The following CD276 variants were observed in gnomAD, a reference collection of about 807,000 sequenced individuals.
The protein encoded by CD276 is CD276 molecule.
Under a neutral mutation model 50.0 loss-of-function variants are expected in CD276, and 34 were observed. The ratio of observed to expected loss-of-function variants is 0.68; its 90% CI spans 0.52 to 0.91. The LOEUF (loss-of-function observed/expected upper bound fraction) is 0.91, where lower values mean the gene tolerates loss of function less well. Ranked by LOEUF, CD276 falls within the 40% of genes least tolerant of loss-of-function variation. The probability of loss-of-function intolerance (pLI) is 0.00; values close to 1 mark genes in which losing one functional copy is unlikely to be tolerated. For missense variants in CD276, 634 were observed against 717.5 expected (o/e 0.88, Z 1.33); for synonymous variants, 275 against 313.0 (o/e 0.88, Z 1.28).
intron 2 of CD276, among the ~76,000 whole-genome samples, chr15:73,700,973 G>A (rs1352511882): frequency 2.6e-4 from 9 of 33,978 alleles, no homozygotes; most frequent in African/African-American, 5.8e-4. Flanking sequence ...GCGCGATCTC[G>A]GCTCACTGCA....
intron 1 of CD276, among the ~76,000 whole-genome samples, chr15:73,690,208 T>C (rs182976009): frequency 6.6e-6 from 1 of 152,306 alleles, no homozygotes; most frequent in East Asian, 1.9e-4. Flanking sequence ...TGAGAACCCA[T>C]TATGTGCCAA....
intron 1 of CD276, among the ~76,000 whole-genome samples, chr15:73,692,444 C>T (rs1330263752): frequency 6.6e-6 from 1 of 152,204 alleles, no homozygotes; most frequent in Non-Finnish European, 1.5e-5. Context: ...CTCTCCATCC[C>T]TGAATTTACT....
Position 73,704,285 on chromosome 15 carries a change from G to A in CD276, c.1182G>A (p.Val394=). 6.2e-7 allele frequency: 1 copy of A among 1,614,078 alleles called. No homozygotes were observed. The highest frequency in any genetic ancestry group is 2.2e-5 in the East Asian group (1 of 44,880). The change falls in exon 6 of 10, where the codon GTG becomes GTA. Residue 394 remains valine, a synonymous_variant. Transcript: ENST00000318443. The surrounding 1 kb of genome is among the most constrained non-coding windows in gnomAD (Gnocchi z 4.1). ...ACCGGGGCTACCCTGAGGCTGAGGT[G>A]TTCTGGCAGGATGGGCAGGGTGTGC... The part of the protein sequence containing the change: ...SSYRGYPEAE[V]FWQDGQGVPL...
In CD276 at chr15:73,702,513, G is replaced by T; in HGVS notation, c.338G>T (p.Arg113Leu). The T allele has an allele frequency of 6.2e-7, 1 of 1,612,996 alleles. No homozygotes were observed. The highest frequency in any genetic ancestry group is 8.5e-7 in the Non-Finnish European group (1 of 1,179,958). Residue 113 changes from arginine to leucine, a missense_variant, in exon 3 of 10, where the codon CGT (arginine) becomes CTT (leucine). Arg to Leu is a moderately radical substitution (Grantham distance 102). Transcript: ENST00000318443. The part of the protein sequence containing the change: ...GNASLRLQRV[R>L]VADEGSFTCF... ...GCATCCCTGAGGCTGCAGCGCGTGC[G>T]TGTGGCGGACGAGGGCAGCTTCACC...
At chr15:73,705,948 G>T (rs1191760738) in intron 6 of CD276, among the ~76,000 whole-genome samples, 1 of 152,186 alleles carries the variant, frequency 6.6e-6, no homozygotes, top group Admixed American at 6.5e-5. Flanking sequence ...AACATTTAAA[G>T]TGATTTCAAA....
chr15:73,685,305 A>C (rs912051481), intron 1 of CD276, among the ~76,000 whole-genome samples: 1 of 152,062 alleles, frequency 6.6e-6, no homozygotes, highest in Non-Finnish European at 1.5e-5. Flanking sequence ...GCGACCGTTT[A>C]GCTAGCGAAT....
intron 1 of CD276, among the ~76,000 whole-genome samples, chr15:73,688,482 G>C (rs1407489260): frequency 6.6e-6 from 1 of 152,158 alleles, no homozygotes; most frequent in Non-Finnish European, 1.5e-5. Context: ...GTTCAGCAAG[G>C]CATCGGTGTC....
chr15:73,711,190 A>C lies in CD276; in HGVS notation c.1582+20A>C. ...AAGAAGGTAAAGACACCTGGGCTTG[A>C]GGTTGTGTCTGTGTATGCACACATC... On this transcript the variant is annotated intron_variant, in intron 9 of 9. Coordinates refer to ENST00000318443, the MANE Select transcript of CD276 (RefSeq NM_001024736.2). 1.2e-6 allele frequency: 2 copies of C among 1,613,068 alleles called. No homozygotes were observed. Among genetic ancestry groups the C allele is most frequent in the Non-Finnish European group, 1.7e-6 (2 of 1,179,498 alleles).
rs773678010 is a variant in CD276 at position 73,709,701 on chromosome 15, C to T, written c.1546+12C>T. ...AGGCTCCAAGACAGGTGAGTCTGAA[C>T]TTGGAGCTGGCCCTCTTGGCTGGGA... On this transcript the variant is annotated intron_variant, in intron 8 of 9. Coordinates refer to ENST00000318443, the MANE Select transcript of CD276 (RefSeq NM_001024736.2). 3 of 1,610,150 alleles carry T rather than the reference C, an allele frequency of 1.9e-6. No homozygotes were observed. The highest frequency in any genetic ancestry group is 2.5e-6 in the Non-Finnish European group (3 of 1,178,674).
rs1336258985 is a variant in CD276 at position 73,704,703 on chromosome 15, T to C, written c.1369+231T>C. ...CTTTTCGTGGCACTTATGCTTCTTATGCAGAGGACAAGGTACCTGCCCGAA... is the reference window on the plus strand; with the variant it reads ...CTTTTCGTGGCACTTATGCTTCTTACGCAGAGGACAAGGTACCTGCCCGAA... On this transcript the variant is annotated intron_variant, in intron 6 of 9. Coordinates refer to ENST00000318443, the MANE Select transcript of CD276 (RefSeq NM_001024736.2). This position sits in a 1 kb window ranked among gnomAD's most constrained non-coding sequence, Gnocchi z 4.1. Among the ~76,000 whole-genome samples the C allele has an allele frequency of 6.6e-6, 1 of 152,224 alleles. No homozygotes were observed. Among genetic ancestry groups the C allele is most frequent in the African/African-American group, 2.4e-5 (1 of 41,464 alleles).
intron 1 of CD276, among the ~76,000 whole-genome samples, chr15:73,695,663 T>C (rs981056108): frequency 2.0e-5 from 3 of 152,216 alleles, no homozygotes; most frequent in African/African-American, 7.2e-5. Context: ...CTCCTTCGGT[T>C]GCAGACAATA....
chr15:73,686,309 G>A (rs1899757541), intron 1 of CD276: 2 of 985,082 alleles, frequency 2.0e-6, no homozygotes, highest in Non-Finnish European at 2.4e-6. Context: ...CAGAGGTAAG[G>A]AGCCTGTGTT....
rs759036845 is a variant in CD276 at position 73,699,770 on chromosome 15, T to C, written c.79+52T>C. On this transcript the variant is annotated intron_variant, in intron 2 of 9. Coordinates refer to ENST00000318443, the MANE Select transcript of CD276 (RefSeq NM_001024736.2). ...GGGGAGGGACAGTGATTGTGGCAGTTGGGGAGGGGGTGCCCACGCCTGTTA... is the reference window on the plus strand; with the variant it reads ...GGGGAGGGACAGTGATTGTGGCAGTCGGGGAGGGGGTGCCCACGCCTGTTA... 6.0e-5 allele frequency: 92 copies of C among 1,525,548 alleles called. 2 individuals carry two copies. In the East Asian group the frequency reaches 2.1e-3, roughly 35 times the overall value. The allele number at this position is 1,525,548 out of a possible 1,614,324, so 94.5% of individuals were successfully genotyped here.
chr15:73,712,705 C>T (rs537123084), intron 9 of CD276, among the ~76,000 whole-genome samples: 102 of 152,008 alleles, frequency 6.7e-4, no homozygotes, highest in Non-Finnish European at 1.3e-3. Context: ...GAGGGGGCTG[C>T]GTGAGGTGGT....
intron 2 of CD276, among the ~76,000 whole-genome samples, chr15:73,701,912 C>CT (rs1482185350): frequency 4.6e-5 from 7 of 152,172 alleles, no homozygotes; most frequent in Admixed American, 6.5e-5. Context: ...AAAGCTGTTG[C>CT]TTTACTTACT....
chr15:73,685,865 G>A (rs1334852167), intron 1 of CD276, among the ~76,000 whole-genome samples: 2 of 152,146 alleles, frequency 1.3e-5, no homozygotes, highest in African/African-American at 4.8e-5. Context: ...TCTGAGTGCA[G>A]GGCAGGATGG....
In CD276 at chr15:73,687,539, C is replaced by T. The variant is rs568857226; in HGVS notation, c.-55+3079C>T. Among the ~76,000 whole-genome samples, 10 of 152,300 alleles carry T rather than the reference C, an allele frequency of 6.6e-5. 2 individuals are homozygous for T. The South Asian group carries it at 2.1e-3, about 32-fold the overall frequency. The stretch of plus-strand genomic sequence containing the variant: ...TCTGGGGAACCAGAGAAGGGGCAGG[C>T]CTGACCTGGGTGACCCAGTGACTAG... On this transcript the variant is annotated intron_variant, in intron 1 of 9. Transcript: ENST00000318443. The surrounding 1 kb of genome is among the most constrained non-coding windows in gnomAD (Gnocchi z 4.0).
chr15:73,704,398 C>G lies in CD276; in HGVS notation c.1295C>G (p.Ala432Gly), dbSNP rs775977755. ...AGCGTCCTGCGGGTGGTGCTGGGTG[C>G]GAATGGCACCTACAGCTGCCTGGTG... ...VHSVLRVVLG[A>G]NGTYSCLVRN... The change falls in exon 6 of 10, where the codon GCG becomes GGG. Residue 432 changes from alanine to glycine, a missense_variant. By Grantham distance (60) the Ala-to-Gly change is moderately conservative. Transcript: ENST00000318443. The surrounding 1 kb of genome is among the most constrained non-coding windows in gnomAD (Gnocchi z 4.1). 5.0e-6 allele frequency: 8 copies of G among 1,613,960 alleles called. No homozygotes were observed. The Admixed American group carries it at 6.7e-5, about 13-fold the overall frequency.
At chr15:73,712,473 T>G (rs1360525926) in intron 9 of CD276, among the ~76,000 whole-genome samples, 5 of 151,340 alleles carry the variant, frequency 3.3e-5, no homozygotes, top group Non-Finnish European at 5.9e-5. Context: ...GCCCTCCACA[T>G]GGAGACAGGA....
Sources: allele counts gnomAD v4.1 joint callset (sites outside exome capture counted in the v4.1 genomes callset), GRCh38; gene constraint gnomAD v4.1.1; non-coding constraint Gnocchi (gnomAD v3.1); transcripts MANE v1.5; gene names NCBI Gene and HGNC (gene_info 2026-07-23, HGNC 2026-07-21).